The following XPO4 variants were observed in gnomAD, a reference collection of about 807,000 sequenced individuals.
XPO4 encodes exportin-4.
In XPO4, 39 loss-of-function variants were observed where a neutral mutation model predicts 143.0. The ratio of observed to expected loss-of-function variants is 0.27; its 90% CI spans 0.21 to 0.36. The LOEUF is 0.36. Among genes scored for constraint, XPO4 ranks in the 10% least tolerant of loss-of-function variants. The pLI, the probability that XPO4 is intolerant of heterozygous loss-of-function variation, is 1.00. For synonymous variants in XPO4, 439 were observed against 474.0 expected, an observed-to-expected ratio of 0.93 and a Z score of 0.96; for missense variants, 907 against 1,348.0, an observed-to-expected ratio of 0.67 and a Z score of 5.12.
At chr13:20,890,940 C>T (rs1349252719) in intron 1 of XPO4, among the ~76,000 whole-genome samples, 1 of 151,534 alleles carries the variant, frequency 6.6e-6, no homozygotes, top group Non-Finnish European at 1.5e-5. Context: ...TAGAGAAACC[C>T]CGTCTCTACT....
chr13:20,838,767 G>A (rs952106817), intron 6 of XPO4, among the ~76,000 whole-genome samples: 1 of 151,874 alleles, frequency 6.6e-6, no homozygotes, highest in African/African-American at 2.4e-5. Flanking sequence ...GAAACCCTAA[G>A]CCCACACAAA....
chr13:20,791,357 C>T, intron 18 of XPO4, among the ~76,000 whole-genome samples: 1 of 151,946 alleles, frequency 6.6e-6, no homozygotes, highest in Non-Finnish European at 1.5e-5. Context: ...ATATTAAGAC[C>T]ATTTTGAGAA....
chr13:20,801,790 A>C (rs374249848), intron 13 of XPO4, among the ~76,000 whole-genome samples: 26 of 152,318 alleles, frequency 1.7e-4, no homozygotes, highest in African/African-American at 5.1e-4. Context: ...CTAATCACTC[A>C]AATTCGGCTT....
At chr13:20,859,844 T>C (rs1435376113) in intron 3 of XPO4, 12 of 974,994 alleles carry the variant, frequency 1.2e-5, no homozygotes, top group Non-Finnish European at 1.5e-5. Flanking sequence ...TTTTGGATAA[T>C]ATAAGAGCCA....
chr13:20,814,018 A>G (rs2059617098), intron 9 of XPO4, among the ~76,000 whole-genome samples: 2 of 152,112 alleles, frequency 1.3e-5, no homozygotes, highest in Admixed American at 1.3e-4. Context: ...ATGGAGATGA[A>G]TAAGATACTT....
chr13:20,805,372 CCTT>C (rs1414791083), intron 13 of XPO4, among the ~76,000 whole-genome samples: 1 of 152,160 alleles, frequency 6.6e-6, no homozygotes, highest in African/African-American at 2.4e-5. Context: ...AGGCCTAAGA[CCTT>C]CTCTGTTTTC....
chr13:20,853,076 A>T (rs1156472858), intron 4 of XPO4: 6 of 983,488 alleles, frequency 6.1e-6, no homozygotes, highest in Non-Finnish European at 7.2e-6. Flanking sequence ...TCACATCTGT[A>T]ATCCCAGCAT....
intron 3 of XPO4, chr13:20,857,922 G>T: frequency 1.0e-6 from 1 of 984,940 alleles, no homozygotes; most frequent in Non-Finnish European, 1.2e-6. Context: ...AAATAAAAAA[G>T]AAAAAATTCT....
At chr13:20,863,748 G>A (rs953902687) in intron 2 of XPO4, among the ~76,000 whole-genome samples, 3 of 152,132 alleles carry the variant, frequency 2.0e-5, no homozygotes, top group African/African-American at 7.2e-5. Flanking sequence ...AAAAGCTCAT[G>A]ATTAGACTCC....
intron 20 of XPO4, among the ~76,000 whole-genome samples, chr13:20,788,134 C>T (rs2059232118): frequency 6.6e-6 from 1 of 151,104 alleles, no homozygotes; most frequent in Non-Finnish European, 1.5e-5. Context: ...CGGCTCACTG[C>T]CACCTCCGCC....
In XPO4 at chr13:20,803,537, C is replaced by T. The variant is rs531429858; in HGVS notation, c.1818-2547G>A. On this transcript the variant is annotated intron_variant, in intron 13 of 22. Coordinates refer to ENST00000255305, the MANE Select transcript of XPO4 (RefSeq NM_022459.5). This position sits in a 1 kb window ranked among gnomAD's most constrained non-coding sequence, Gnocchi z 4.1. ...TTCTCCATCTTCACTCCCAAGACTA[C>T]GTAGGAAAATGCTTCCTAACTTGCC... Among the ~76,000 whole-genome samples, 16 of 152,292 alleles carry T rather than the reference C, an allele frequency of 1.1e-4. No individual in the cohort carries two copies. Among genetic ancestry groups the T allele is most frequent in the Admixed American group, 6.5e-4 (10 of 15,300 alleles).
intron 9 of XPO4, among the ~76,000 whole-genome samples, chr13:20,814,015 T>G (rs1021969618): frequency 1.3e-5 from 2 of 151,526 alleles, no homozygotes; most frequent in African/African-American, 4.9e-5. Flanking sequence ...AATATGGAGA[T>G]GAATAAGATA....
chr13:20,782,647 C>T lies in XPO4; in HGVS notation c.*1075G>A, dbSNP rs1418110482. The T allele has an allele frequency of 1.3e-5, 2 of 152,552 alleles. No homozygotes were observed. The highest frequency in any genetic ancestry group is 4.8e-5 in the African/African-American group (2 of 41,410). 9.4% of individuals were successfully genotyped at this position (152,552 alleles called of 1,614,324 possible). On this transcript the variant is annotated 3_prime_UTR_variant, in exon 23 of 23. Transcript: ENST00000255305. ...TGGGCTATGTGGCTGGATAGAAACA[C>T]ACTCAAAAAGTTAGACTAGACGGAA...
chr13:20,831,083 AC>A (rs1159132589), intron 6 of XPO4, among the ~76,000 whole-genome samples: 1 of 152,058 alleles, frequency 6.6e-6, no homozygotes, highest in African/African-American at 2.4e-5. Context: ...AACCATTTCA[AC>A]CCCAGATAAT....
intron 1 of XPO4, among the ~76,000 whole-genome samples, chr13:20,873,509 T>C (rs1361531777): frequency 6.6e-6 from 1 of 152,232 alleles, no homozygotes; most frequent in Non-Finnish European, 1.5e-5. Flanking sequence ...AACAGTCACA[T>C]AAATAATTCA....
At chr13:20,862,594 GAGATTAT>G (rs771697631) in intron 3 of XPO4, 116 bp downstream of exon 3, 97 of 1,216,898 alleles carry the variant, frequency 8.0e-5, no homozygotes, top group Admixed American at 1.1e-4. Context: ...TCCCAAAGTG[GAGATTAT>G]AGGTGTGAGC....
At chr13:20,807,784 A>C in intron 12 of XPO4, 150 bp from the exon 13 acceptor site, 2 of 644,954 alleles carry the variant, frequency 3.1e-6, no homozygotes, top group Non-Finnish European at 4.7e-6. Flanking sequence ...TATGCAAAAA[A>C]AACTTTCTAT....
intron 17 of XPO4, 50 bp from the exon 18 acceptor site, chr13:20,796,306 A>T (rs781075861): frequency 1.8e-4 from 238 of 1,353,878 alleles, no homozygotes; most frequent in Non-Finnish European, 2.2e-4. Context: ...CACTGACATT[A>T]AAAAAATTTT....
Position 20,902,559 on chromosome 13 carries a change from G to A in XPO4, c.69+111C>T, listed in dbSNP as rs1479451061. On this transcript the variant is annotated intron_variant, in intron 1 of 22. Coordinates refer to ENST00000255305, the MANE Select transcript of XPO4 (RefSeq NM_022459.5). ...CCGCCACCTCCTCCTCCACTTCCAG[G>A]CTCCCTGCAGGCCCTTGCCAGTCGC... 3.0e-6 allele frequency: 4 copies of A among 1,331,120 alleles called. No individual in the cohort carries two copies. In the African/African-American group the frequency reaches 4.6e-5, roughly 15 times the overall value. The allele number at this position is 1,331,120 out of a possible 1,614,324, so 82.5% of individuals were successfully genotyped here.
Sources: gnomAD v4.1 joint callset for allele counts (sites outside exome capture counted in the v4.1 genomes callset) on GRCh38, gnomAD v4.1.1 for gene constraint, Gnocchi (gnomAD v3.1) non-coding constraint, MANE v1.5 for transcripts, NCBI Gene and HGNC (gene_info 2026-07-23, HGNC 2026-07-21) for gene names.